ULK4: variants seen among roughly 807,000 people sequenced by gnomAD.
ULK4 encodes unc-51 like kinase 4.
A neutral mutation model predicts 160.6 loss-of-function variants in ULK4; 133 were observed. The ratio of observed to expected loss-of-function variants is 0.83; its 90% CI spans 0.72 to 0.96. The LOEUF (loss-of-function observed/expected upper bound fraction) is 0.96. Ranked by LOEUF, ULK4 falls within the 40% of genes least tolerant of loss-of-function variation. The pLI is 0.00. For missense variants in ULK4, 1,580 were observed against 1,499.5 expected (o/e 1.05, Z -0.89); for synonymous variants, 534 against 539.8 (o/e 0.99, Z 0.15).
At chr3:41,935,589 G>C (rs1699750825) in intron 4 of ULK4, among the ~76,000 whole-genome samples, 1 of 150,926 alleles carries the variant, frequency 6.6e-6, no homozygotes, top group Admixed American at 6.6e-5. Flanking sequence ...TCGAACTCCT[G>C]ACCTCAAGTG....
At chr3:41,849,119 TGCA>T (rs765347730) in intron 17 of ULK4, among the ~76,000 whole-genome samples, 9 of 152,210 alleles carry the variant, frequency 5.9e-5, no homozygotes, top group Non-Finnish European at 1.3e-4. Flanking sequence ...CACCTAGGCC[TGCA>T]GCAACCCTCT....
At chr3:41,564,179 T>C (rs1445988156) in intron 32 of ULK4, among the ~76,000 whole-genome samples, 1 of 152,146 alleles carries the variant, frequency 6.6e-6, no homozygotes, top group Non-Finnish European at 1.5e-5. Flanking sequence ...TTTGCCTGGG[T>C]ATCACCAGCG....
At chr3:41,580,066 G>A (rs1386270065) in intron 31 of ULK4, among the ~76,000 whole-genome samples, 1 of 152,142 alleles carries the variant, frequency 6.6e-6, no homozygotes, top group East Asian at 1.9e-4. Context: ...ACAGAGTAAC[G>A]GTGTCACAGC....
At position 41,467,414 on chromosome 3, in the gene ULK4, C is replaced by T. The variant is rs911289361; in HGVS notation, c.3227-4161G>A. Among the ~76,000 whole-genome samples, 17 of 152,188 alleles carry T rather than the reference C, an allele frequency of 1.1e-4. No individual in the cohort carries two copies. The East Asian group carries it at 1.4e-3, about 12-fold the overall frequency. On this transcript the variant is annotated intron_variant, in intron 32 of 36. Coordinates refer to ENST00000301831, the MANE Select transcript of ULK4 (RefSeq NM_017886.4). Reference sequence around the variant, plus strand: ...ATGGTGGCACACACTATAATCCCAGCGACTCAGGAGGCTGAGGCAGGAGAA... The same window carrying T: ...ATGGTGGCACACACTATAATCCCAGTGACTCAGGAGGCTGAGGCAGGAGAA...
chr3:41,852,446 T>C (rs1238184241), intron 17 of ULK4, among the ~76,000 whole-genome samples: 1 of 152,224 alleles, frequency 6.6e-6, no homozygotes, highest in Non-Finnish European at 1.5e-5. Context: ...AATTACTTTT[T>C]CCATTTCTGG....
At chr3:41,395,191 C>CAAA (rs11365283) in intron 35 of ULK4, among the ~76,000 whole-genome samples, 1 of 106,374 alleles carries the variant, frequency 9.4e-6, no homozygotes, top group Admixed American at 1.0e-4. Context: ...GAAAGCACTC[C>CAAA]AAAAAAAAAA....
chr3:41,954,306 G>A (rs1700409059), intron 2 of ULK4, among the ~76,000 whole-genome samples: 1 of 151,208 alleles, frequency 6.6e-6, no homozygotes. Context: ...GCTATAGTGA[G>A]CCCAGTGCAC....
chr3:41,769,869 C>A (rs2039295295), intron 21 of ULK4, among the ~76,000 whole-genome samples: 1 of 152,060 alleles, frequency 6.6e-6, no homozygotes, highest in Non-Finnish European at 1.5e-5. Context: ...CTTCAATGGT[C>A]AAAGCTAAAA....
chr3:41,588,568 C>A (rs1020025957), intron 31 of ULK4, among the ~76,000 whole-genome samples: 2 of 152,134 alleles, frequency 1.3e-5, no homozygotes, highest in African/African-American at 4.8e-5. Flanking sequence ...GCCATTCTAG[C>A]CTGGCTGTAC....
chr3:41,460,225 A>G (rs1322009977), intron 33 of ULK4, among the ~76,000 whole-genome samples: 2 of 152,216 alleles, frequency 1.3e-5, no homozygotes, highest in Non-Finnish European at 2.9e-5. Context: ...TGGTCCTACT[A>G]TCAGGAGGAT....
chr3:41,854,621 C>G (rs1163012709), intron 17 of ULK4, among the ~76,000 whole-genome samples: 1 of 152,066 alleles, frequency 6.6e-6, no homozygotes, highest in East Asian at 1.9e-4. Flanking sequence ...TGAGCAGAAA[C>G]CTAACTCAAG....
In ULK4 at chr3:41,761,134, T is replaced by C. The variant is rs180923763; in HGVS notation, c.2194-6646A>G. ...GACAAAAGCAGCACAAGGTCATTCT[T>C]TGGGAAACTGGAATTGTTCTGTATC... On this transcript the variant is annotated intron_variant, in intron 21 of 36. Transcript: ENST00000301831. 9.2e-5 allele frequency among the ~76,000 whole-genome samples: 14 copies of C among 152,212 alleles called. No individual in the cohort carries two copies. The East Asian group carries it at 2.7e-3, about 29-fold the overall frequency.
intron 30 of ULK4, among the ~76,000 whole-genome samples, chr3:41,660,001 CAAAA>C (rs1429202261): frequency 2.0e-5 from 3 of 151,914 alleles, no homozygotes; most frequent in Non-Finnish European, 2.9e-5. Context: ...ATAAAAGAAA[CAAAA>C]GAGGCTGGGC....
rs146391573 is a variant in ULK4, at chr3:41,365,231, T to C, written c.3678+32848A>G. Among the ~76,000 whole-genome samples, 940 of 152,284 alleles carry C rather than the reference T, an allele frequency of 6.2e-3. 12 individuals carry two copies. Among genetic ancestry groups the C allele is most frequent in the African/African-American group, 0.021 (876 of 41,570 alleles). ...GAATGAGTGTTTCTTCACATCACAGTAAACAGTAACACTTGCCTCATTTAA... is the reference window on the plus strand; with the variant it reads ...GAATGAGTGTTTCTTCACATCACAGCAAACAGTAACACTTGCCTCATTTAA... On this transcript the variant is annotated intron_variant, in intron 35 of 36. Coordinates refer to ENST00000301831, the MANE Select transcript of ULK4 (RefSeq NM_017886.4).
intron 13 of ULK4, among the ~76,000 whole-genome samples, chr3:41,900,040 G>C (rs1480625659): frequency 2.0e-5 from 3 of 152,164 alleles, no homozygotes; most frequent in Admixed American, 6.5e-5. Flanking sequence ...GTAGTGGAAT[G>C]TGAGTATGTT....
intron 35 of ULK4, among the ~76,000 whole-genome samples, chr3:41,375,034 C>T (rs1322029145): frequency 1.3e-5 from 2 of 152,034 alleles, no homozygotes; most frequent in Non-Finnish European, 2.9e-5. Flanking sequence ...CCATTCACAA[C>T]TGCTACAAAG....
chr3:41,803,754 C>A (rs534125881), intron 19 of ULK4, among the ~76,000 whole-genome samples: 82 of 152,106 alleles, frequency 5.4e-4, no homozygotes, highest in African/African-American at 2.0e-3. Flanking sequence ...TTTGTCCTTG[C>A]AATAGTTTAC....
chr3:41,678,734 A>G (rs79705392), intron 29 of ULK4, among the ~76,000 whole-genome samples: 5,703 of 152,316 alleles, frequency 0.037, 332 homozygotes, highest in African/African-American at 0.13. Flanking sequence ...CTGTGCATGA[A>G]AAGGCTGTCA....
intron 31 of ULK4, among the ~76,000 whole-genome samples, chr3:41,598,690 C>CAA (rs150797367): frequency 0.059 from 8,961 of 151,868 alleles, 907 homozygotes; most frequent in African/African-American, 0.21. Context: ...CACACACACA[C>CAA]GAGTTCACAT....
Sources: allele counts gnomAD v4.1 joint callset (sites outside exome capture counted in the v4.1 genomes callset), GRCh38; gene constraint gnomAD v4.1.1; transcripts MANE v1.5; gene names NCBI Gene and HGNC (gene_info 2026-07-23, HGNC 2026-07-21).